The following CEMIP variants were observed in gnomAD, a reference collection of about 807,000 sequenced individuals.
CEMIP encodes the protein cell migration-inducing and hyaluronan-binding protein.
In CEMIP, 105 loss-of-function variants were observed where a neutral mutation model predicts 156.9. That is an observed-to-expected ratio of 0.67 (90% CI 0.57 to 0.79). The LOEUF (loss-of-function observed/expected upper bound fraction) is 0.79. Ranked by LOEUF, CEMIP falls within the 30% of genes least tolerant of loss-of-function variation. The pLI, the probability that CEMIP is intolerant of heterozygous loss-of-function variation, is 0.00. For missense variants in CEMIP, 1,457 were observed against 1,769.4 expected (o/e 0.82, Z 3.17); for synonymous variants, 676 against 668.4 (o/e 1.01, Z -0.17).
intron 7 of CEMIP, 144 bp from the exon 8 acceptor site, chr15:80,887,550 G>C: frequency 1.4e-6 from 1 of 699,306 alleles, no homozygotes; most frequent in Non-Finnish European, 2.6e-6. Flanking sequence ...GAGAAGCCCA[G>C]CAAGTGAATG....
At position 80,894,751 on chromosome 15, in the gene CEMIP, G is replaced by A. The variant is rs16972538; in HGVS notation, c.1087-239G>A. 0.046 allele frequency among the ~76,000 whole-genome samples: 6,998 copies of A among 152,242 alleles called. 186 individuals carry two copies. Among genetic ancestry groups the A allele is most frequent in the Non-Finnish European group, 0.055 (3,761 of 68,004 alleles). On this transcript the variant is annotated intron_variant, in intron 10 of 29. Transcript: ENST00000394685. The stretch of plus-strand genomic sequence containing the variant: ...CCATAAGCAGTAGATCACTGGTTTC[G>A]ATACTGAGTACTGTAGGACCTCAGG...
chr15:80,918,136 G>C (rs1157604471), intron 14 of CEMIP, among the ~76,000 whole-genome samples: 1 of 152,164 alleles, frequency 6.6e-6, no homozygotes. Context: ...TTAGTCATTC[G>C]TGGTGGTGCA....
intron 1 of CEMIP, among the ~76,000 whole-genome samples, chr15:80,796,175 C>T (rs28578358): frequency 0.23 from 35,578 of 152,072 alleles, 4,602 homozygotes; most frequent in African/African-American, 0.35. Flanking sequence ...CGTCTCACTA[C>T]GTTGCCTAGG....
intron 3 of CEMIP, among the ~76,000 whole-genome samples, chr15:80,876,333 C>T (rs1898476279): frequency 6.6e-6 from 1 of 152,192 alleles, no homozygotes; most frequent in Non-Finnish European, 1.5e-5. Context: ...CCATCCTTGG[C>T]TGCTCAGTAT....
chr15:80,840,356 A>G (rs940034890), intron 1 of CEMIP, among the ~76,000 whole-genome samples: 2 of 152,168 alleles, frequency 1.3e-5, no homozygotes, highest in South Asian at 2.1e-4. Flanking sequence ...CTGGAGCAGC[A>G]GGTCTTGCAA....
rs368483969 is a variant in CEMIP at position 80,873,640 on chromosome 15, G to T, written c.-73G>T. ...GCAGGACACAGGCAGGACAACGGTA[G>T]GATTTTCATGCCCCGATCTGCCTGG... is the stretch of plus-strand genomic sequence containing the variant. On this transcript the variant is annotated 5_prime_UTR_variant, in exon 2 of 30. It adds an upstream start codon to the 5' untranslated region. Coordinates refer to ENST00000394685, the MANE Select transcript of CEMIP (RefSeq NM_001293298.2). The T allele has an allele frequency of 1.9e-6, 1 of 538,346 alleles. No homozygotes were observed. The allele number at this position is 538,346 out of a possible 1,614,324, so 33.3% of individuals were successfully genotyped here.
intron 1 of CEMIP, among the ~76,000 whole-genome samples, chr15:80,780,727 G>T (rs941227739): frequency 6.6e-6 from 1 of 152,346 alleles, no homozygotes; most frequent in African/African-American, 2.4e-5. Context: ...AAGTGATCCA[G>T]GGCGCGCCCG....
intron 17 of CEMIP, among the ~76,000 whole-genome samples, chr15:80,924,368 A>G (rs1209423237): frequency 6.6e-6 from 1 of 152,244 alleles, no homozygotes; most frequent in Admixed American, 6.5e-5. Context: ...GACAACATAC[A>G]TAACCTCTCT....
At chr15:80,944,876 C>T (rs879274962) in intron 28 of CEMIP, among the ~76,000 whole-genome samples, 3 of 152,170 alleles carry the variant, frequency 2.0e-5, no homozygotes, top group Non-Finnish European at 2.9e-5. Flanking sequence ...CCCACCAGCC[C>T]GAGCAGCAGC....
At chr15:80,838,221 G>C (rs537350681) in intron 1 of CEMIP, among the ~76,000 whole-genome samples, 13 of 152,272 alleles carry the variant, frequency 8.5e-5, no homozygotes, top group African/African-American at 3.1e-4. Context: ...GTCATTCATA[G>C]GGACTCCACA....
chr15:80,904,278 C>T (rs1021336745), intron 12 of CEMIP, among the ~76,000 whole-genome samples: 2 of 152,148 alleles, frequency 1.3e-5, no homozygotes, highest in Non-Finnish European at 2.9e-5. Flanking sequence ...GTAGTCCCAG[C>T]ATTTTGGGAT....
intron 1 of CEMIP, among the ~76,000 whole-genome samples, chr15:80,843,560 A>G (rs1354929): frequency 6.6e-5 from 10 of 152,346 alleles, no homozygotes; most frequent in East Asian, 3.9e-4. Flanking sequence ...TCACCCACCC[A>G]CATCAGTCTA....
intron 1 of CEMIP, among the ~76,000 whole-genome samples, chr15:80,825,580 C>A (rs992363578): frequency 7.9e-5 from 12 of 152,204 alleles, no homozygotes; most frequent in Non-Finnish European, 1.5e-4. Flanking sequence ...ATTGGCCAAG[C>A]CACAGCATGC....
chr15:80,906,087 C>G lies in CEMIP; in HGVS notation c.1412-576C>G, dbSNP rs1302633978. ...TGCTTTAACAGATTATGAATTTGCA[C>G]TGCTGTAAAGCAGGGGCTTTAAAGA... is the stretch of plus-strand genomic sequence containing the variant. On this transcript the variant is annotated intron_variant, in intron 12 of 29. Coordinates refer to ENST00000394685, the MANE Select transcript of CEMIP (RefSeq NM_001293298.2). This position sits in a 1 kb window ranked among gnomAD's most constrained non-coding sequence, Gnocchi z 4.3. Among the ~76,000 whole-genome samples the G allele has an allele frequency of 1.3e-5, 2 of 152,240 alleles. No individual in the cohort carries two copies. Among genetic ancestry groups the G allele is most frequent in the Non-Finnish European group, 2.9e-5 (2 of 68,038 alleles).
intron 12 of CEMIP, among the ~76,000 whole-genome samples, chr15:80,897,843 C>T (rs954454850): frequency 1.3e-5 from 2 of 152,154 alleles, no homozygotes; most frequent in African/African-American, 2.4e-5. Context: ...CTCTAAGCTA[C>T]CTGGAAGCCA....
chr15:80,881,962 G>A (rs1477171895), intron 6 of CEMIP, among the ~76,000 whole-genome samples: 2 of 152,174 alleles, frequency 1.3e-5, no homozygotes, highest in African/African-American at 4.8e-5. Context: ...TGCCAAGGCT[G>A]GACCTGCCCT....
Position 80,933,442 on chromosome 15 carries a change from C to T in CEMIP, c.2991C>T (p.Cys997=), listed in dbSNP as rs753339647. 4 of 1,614,008 alleles carry T rather than the reference C, an allele frequency of 2.5e-6. No individual in the cohort carries two copies. In the African/African-American group the frequency reaches 4.0e-5, roughly 16 times the overall value. ...INVPDWRGAI[C]SGCYAQMYIQ... Reference sequence around the variant, plus strand: ...TTCCCGACTGGAGAGGGGCCATTTGCAGTGGGTGCTATGCACAGGTGGGGA... The same window carrying T: ...TTCCCGACTGGAGAGGGGCCATTTGTAGTGGGTGCTATGCACAGGTGGGGA... Residue 997 remains cysteine, a synonymous_variant, in exon 23 of 30, where the codon TGC becomes TGT. Coordinates refer to ENST00000394685, the MANE Select transcript of CEMIP (RefSeq NM_001293298.2).
rs745758095 is a variant in CEMIP, at chr15:80,909,194, C to G, written c.1685C>G (p.Ala562Gly). The G allele has an allele frequency of 6.2e-7, 1 of 1,614,118 alleles. No homozygotes were observed. The highest frequency in any genetic ancestry group is 2.2e-5 in the East Asian group (1 of 44,862). ...VGQYPIHFHLAGDVDERGGYD... is the reference protein window; with the variant it reads ...VGQYPIHFHLGGDVDERGGYD... ...CAGTACCCGATTCACTTCCACCTGG[C>G]CGGTGATGTAGACGAAAGGGGAGGT... The change falls in exon 14 of 30, where the codon GCC becomes GGC. Residue 562 changes from alanine (A) to glycine (G), a missense_variant. By Grantham distance (60) the Ala-to-Gly change is moderately conservative. This residue lies in a region of CEMIP where 53 missense variants were observed against 104.5 expected (regional missense o/e 0.51). Transcript: ENST00000394685.
At chr15:80,839,791 T>C (rs890401269) in intron 1 of CEMIP, among the ~76,000 whole-genome samples, 1 of 152,194 alleles carries the variant, frequency 6.6e-6, no homozygotes, top group Non-Finnish European at 1.5e-5. Context: ...AGGTGGTCAT[T>C]CCTTCTGGCT....
Sources: allele counts gnomAD v4.1 joint callset (sites outside exome capture counted in the v4.1 genomes callset), GRCh38; gene constraint gnomAD v4.1.1; regional missense constraint gnomAD v4.1.1; non-coding constraint Gnocchi (gnomAD v3.1); transcripts MANE v1.5; gene names NCBI Gene and HGNC (gene_info 2026-07-23, HGNC 2026-07-21).